IQGAP2: variants seen among roughly 807,000 people sequenced by gnomAD.
The protein encoded by IQGAP2 is ras GTPase-activating-like protein IQGAP2.
Under a neutral mutation model 201.3 loss-of-function variants are expected in IQGAP2, and 173 were observed. That is an observed-to-expected ratio of 0.86 (90% CI 0.76 to 0.98). The LOEUF is 0.98. Ranked by LOEUF, IQGAP2 falls within the 50% of genes least tolerant of loss-of-function variation. IQGAP2 has a pLI of 0.00. For missense variants in IQGAP2, 1,687 were observed against 1,864.8 expected (o/e 0.90, Z 1.76); for synonymous variants, 675 against 673.9 (o/e 1.00, Z -0.03).
At position 76,683,914 on chromosome 5, in the gene IQGAP2, T is replaced by TA. The variant is rs1160892249; in HGVS notation, c.3905dup (p.Thr1303AspfsTer7). ...GCTATAGATAGCCGAAGCCTCATGA[T>TA]AAAGTAAGTTTGGGGGTTAAAGGGC... On this transcript the variant is annotated frameshift_variant, in exon 30 of 36. Transcript: ENST00000274364. LOFTEE classifies it high-confidence loss of function. The TA allele has an allele frequency of 6.2e-7, 1 of 1,608,794 alleles. No individual in the cohort carries two copies. Among genetic ancestry groups the TA allele is most frequent in the African/African-American group, 1.3e-5 (1 of 74,862 alleles).
At chr5:76,444,581 G>A (rs529147252) in intron 1 of IQGAP2, among the ~76,000 whole-genome samples, 5 of 152,328 alleles carry the variant, frequency 3.3e-5, no homozygotes, top group African/African-American at 7.2e-5. Context: ...TTACAGGCGT[G>A]AGCCACTGTG....
At chr5:76,409,241 C>CTT (rs35574851) in intron 1 of IQGAP2, among the ~76,000 whole-genome samples, 14,477 of 79,498 alleles carry the variant, frequency 0.18, 2,495 homozygotes, top group East Asian at 0.48. Context: ...AATACATGGG[C>CTT]TTTTTTTTTT....
chr5:76,646,722 T>C (rs1018874939), intron 17 of IQGAP2, among the ~76,000 whole-genome samples: 5 of 152,238 alleles, frequency 3.3e-5, no homozygotes, highest in African/African-American at 1.2e-4. Flanking sequence ...AAGGTTTTTT[T>C]TTGAGGGCAA....
rs3797449 is a variant in IQGAP2 at position 76,669,255 on chromosome 5, A to T, written c.2843+411A>T. Among the ~76,000 whole-genome samples, 94 of 152,302 alleles carry T rather than the reference A, an allele frequency of 6.2e-4. 1 individual carries two copies. In the East Asian group the frequency reaches 0.014, roughly 22 times the overall value. On this transcript the variant is annotated intron_variant, in intron 23 of 35. Transcript: ENST00000274364. ...GCTAATTTATTTTCTGACTCAGTTAATGTAAAAATTGTATAGGTAGCTATA... is the reference window on the plus strand; with the variant it reads ...GCTAATTTATTTTCTGACTCAGTTATTGTAAAAATTGTATAGGTAGCTATA...
intron 14 of IQGAP2, among the ~76,000 whole-genome samples, chr5:76,627,803 A>G (rs1750380098): frequency 6.6e-6 from 1 of 152,210 alleles, no homozygotes; most frequent in South Asian, 2.1e-4. Context: ...GACCATTTCT[A>G]CTTAATAAAT....
rs1561416339 is a variant in IQGAP2, at chr5:76,496,746, TTTCTTTCTTTCTTTCTTTC to T, written c.146+35080_146+35098del. Among the ~76,000 whole-genome samples the T allele has an allele frequency of 3.8e-3, 219 of 56,920 alleles. 7 individuals are homozygous for T. The highest frequency in any genetic ancestry group is 0.013 in the Admixed American group (59 of 4,696). 37.3% of individuals were successfully genotyped at this position (56,920 alleles called of 152,430 possible). The stretch of plus-strand genomic sequence containing the variant: ...TTTCTTTTCTTTCTTTCTTTCTTTC[TTTCTTTCTTTCTTTCTTTC>T]TTTCTTTCTTTCTTTCTTTCTTTCT... On this transcript the variant is annotated intron_variant, in intron 2 of 35. Coordinates refer to ENST00000274364, the MANE Select transcript of IQGAP2 (RefSeq NM_006633.5).
intron 2 of IQGAP2, among the ~76,000 whole-genome samples, chr5:76,516,578 A>G (rs1465938815): frequency 6.6e-6 from 1 of 152,202 alleles, no homozygotes; most frequent in Non-Finnish European, 1.5e-5. Context: ...CTCCAAATAT[A>G]AGGAACTTTA....
chr5:76,428,713 C>G (rs7715388), intron 1 of IQGAP2, among the ~76,000 whole-genome samples: 111,418 of 150,204 alleles, frequency 0.74, 44,208 homozygotes, highest in Non-Finnish European at 0.89. Context: ...GATTACAGGA[C>G]TGAGTCACCG....
At chr5:76,603,319 T>A (rs1344975419) in intron 11 of IQGAP2, among the ~76,000 whole-genome samples, 1 of 152,192 alleles carries the variant, frequency 6.6e-6, no homozygotes, top group East Asian at 1.9e-4. Context: ...TAGCATCTGA[T>A]GTTATCTCTC....
intron 2 of IQGAP2, among the ~76,000 whole-genome samples, chr5:76,503,323 G>A (rs1272590565): frequency 1.3e-5 from 2 of 150,880 alleles, no homozygotes; most frequent in Admixed American, 6.6e-5. Flanking sequence ...ACAGGTGCCT[G>A]CCATCACACC....
intron 33 of IQGAP2, among the ~76,000 whole-genome samples, chr5:76,700,797 T>G (rs968047080): frequency 6.6e-6 from 1 of 152,208 alleles, no homozygotes; most frequent in Non-Finnish European, 1.5e-5. Flanking sequence ...GCCACTTGGT[T>G]CAATATACCT....
chr5:76,505,529 C>T (rs961297410), intron 2 of IQGAP2, among the ~76,000 whole-genome samples: 3 of 151,998 alleles, frequency 2.0e-5, no homozygotes, highest in South Asian at 2.1e-4. Context: ...TGCATTTTAC[C>T]GATGCTAATT....
chr5:76,632,109 AG>A, intron 15 of IQGAP2, 83 bp downstream of exon 15: 1 of 1,209,414 alleles, frequency 8.3e-7, no homozygotes, highest in Non-Finnish European at 1.1e-6. Context: ...TTTTAAGACA[AG>A]TAATGCTTTC....
Position 76,702,554 on chromosome 5 carries a change from T to G in IQGAP2, c.4578T>G (p.Leu1526=). The stretch of plus-strand genomic sequence containing the variant: ...TTTTCGATGTAAGATCAAAATTCCT[T>G]GGTGTTGAGATGGAAAAGGTGCAAC... The part of the protein sequence containing the change: ...VGIFDVRSKF[L]GVEMEKVQLN... The change falls in exon 35 of 36, where the codon CTT becomes CTG. Residue 1526 remains leucine (L), a synonymous_variant. Coordinates refer to ENST00000274364, the MANE Select transcript of IQGAP2 (RefSeq NM_006633.5). The G allele has an allele frequency of 6.3e-7, 1 of 1,595,084 alleles. No individual in the cohort carries two copies. The highest frequency in any genetic ancestry group is 8.6e-7 in the Non-Finnish European group (1 of 1,162,640).
chr5:76,408,430 C>T (rs966663754), intron 1 of IQGAP2, among the ~76,000 whole-genome samples: 1 of 152,188 alleles, frequency 6.6e-6, no homozygotes. Flanking sequence ...ACCCCTAGTA[C>T]TATGTCAAGG....
rs148776274 is a variant in IQGAP2 at position 76,414,624 on chromosome 5, C to T, written c.46+11033C>T. On this transcript the variant is annotated intron_variant, in intron 1 of 35. Transcript: ENST00000274364. ...TTGCTTAAGGCCAGGAGTTCAAGAC[C>T]ATCTGGGCAACGTAGCAAGACCTTG... Among the ~76,000 whole-genome samples the T allele has an allele frequency of 4.4e-3, 668 of 152,178 alleles. 7 individuals carry two copies. Among genetic ancestry groups the T allele is most frequent in the Middle Eastern group, 0.014 (4 of 294 alleles).
intron 5 of IQGAP2, among the ~76,000 whole-genome samples, chr5:76,583,429 C>T (rs957922884): frequency 1.1e-4 from 16 of 151,592 alleles, no homozygotes; most frequent in African/African-American, 3.6e-4. Context: ...CAGTTTAAAC[C>T]TCAACATCAA....
Position 76,562,486 on chromosome 5 carries a change from C to T in IQGAP2, c.237C>T (p.Ala79=), listed in dbSNP as rs1030270403. Residue 79 remains alanine (A), a synonymous_variant, in exon 3 of 36, where the codon GCC becomes GCT. Coordinates refer to ENST00000274364, the MANE Select transcript of IQGAP2 (RefSeq NM_006633.5). ...ATGGAGTTTACCTTGCAAAGTTAGC[C>T]AAGTTCTTTGCCCCGAAAATGGTAT... ...LRNGVYLAKL[A]KFFAPKMVSE... is the part of the protein sequence containing the mutation. 1 of 1,613,586 alleles carries T rather than the reference C, an allele frequency of 6.2e-7. No homozygotes were observed. Among genetic ancestry groups the T allele is most frequent in the African/African-American group, 1.3e-5 (1 of 74,890 alleles).
chr5:76,615,173 T>C (rs886652881), intron 13 of IQGAP2, among the ~76,000 whole-genome samples: 4 of 152,250 alleles, frequency 2.6e-5, no homozygotes, highest in Non-Finnish European at 4.4e-5. Flanking sequence ...ATATGAGTTA[T>C]ACTCCACCAA....
Sources: allele counts gnomAD v4.1 joint callset (sites outside exome capture counted in the v4.1 genomes callset), GRCh38; gene constraint gnomAD v4.1.1; transcripts MANE v1.5; gene names NCBI Gene and HGNC (gene_info 2026-07-23, HGNC 2026-07-21).